CRBN: variants seen among roughly 807,000 people sequenced by gnomAD.
CRBN encodes the protein cereblon.
A neutral mutation model predicts 62.2 loss-of-function variants in CRBN; 53 were observed. The ratio of observed to expected loss-of-function variants is 0.85; its 90% CI spans 0.68 to 1.07. The LOEUF (loss-of-function observed/expected upper bound fraction) is 1.07, where lower values mean the gene tolerates loss of function less well. Among genes scored for constraint, CRBN ranks in the 50% least tolerant of loss-of-function variants. The pLI is 0.00. For synonymous variants in CRBN, 208 were observed against 176.1 expected (o/e 1.18, Z -1.43); for missense variants, 616 against 531.1 (o/e 1.16, Z -1.57).
chr3:3,161,621 T>C (rs1316204137), intron 5 of CRBN, among the ~76,000 whole-genome samples: 1 of 152,024 alleles, frequency 6.6e-6, no homozygotes, highest in Non-Finnish European at 1.5e-5. Context: ...ACTCCTCACC[T>C]TGTGATCCAC....
In CRBN at chr3:3,150,288, A is replaced by G. The variant is rs1706422934; in HGVS notation, c.*577T>C. The G allele has an allele frequency of 6.5e-6, 1 of 152,806 alleles. No homozygotes were observed. Among genetic ancestry groups the G allele is most frequent in the South Asian group, 2.1e-4 (1 of 4,872 alleles). The allele number at this position is 152,806 out of a possible 1,614,324, so 9.5% of individuals were successfully genotyped here. ...ACTATTCGTGGGCTCAAAAAACTGC[A>G]TATTTTAACTAATTTTCAAAATTTA... is the stretch of plus-strand genomic sequence containing the variant. On this transcript the variant is annotated 3_prime_UTR_variant, in exon 11 of 11. Transcript: ENST00000231948.
chr3:3,153,686 T>C (rs1706740859), intron 8 of CRBN, 198 bp from the exon 9 acceptor site: 1 of 617,884 alleles, frequency 1.6e-6, no homozygotes, highest in Non-Finnish European at 2.9e-6. Flanking sequence ...CATATTTACA[T>C]AAAACTAAAT....
intron 5 of CRBN, chr3:3,156,564 G>C: frequency 8.9e-6 from 4 of 450,854 alleles, no homozygotes; most frequent in South Asian, 4.8e-5. Flanking sequence ...TAAATGTTGA[G>C]AGTAAACACC....
chr3:3,156,566 G>A (rs1706901692), intron 5 of CRBN: 6 of 445,730 alleles, frequency 1.3e-5, no homozygotes, highest in South Asian at 1.2e-4. Context: ...AATGTTGAGA[G>A]TAAACACCAT....
At position 3,151,060 on chromosome 3, in the gene CRBN, A is replaced by G; in HGVS notation, c.1149-15T>C. 2 of 1,613,514 alleles carry G rather than the reference A, an allele frequency of 1.2e-6. No individual in the cohort carries two copies. Among genetic ancestry groups the G allele is most frequent in the South Asian group, 2.2e-5 (2 of 91,070 alleles). On this transcript the variant is annotated splice_polypyrimidine_tract_variant and intron_variant, in intron 10 of 10. Transcript: ENST00000231948. Reference sequence around the variant, plus strand: ...TCCAGGCATACCTAAGAAATTAAGGAAAGATATCAGCTAAGGAAACATTTC... The same window carrying G: ...TCCAGGCATACCTAAGAAATTAAGGGAAGATATCAGCTAAGGAAACATTTC...
intron 1 of CRBN, among the ~76,000 whole-genome samples, chr3:3,175,711 A>C (rs934752906): frequency 6.6e-6 from 1 of 151,982 alleles, no homozygotes; most frequent in African/African-American, 2.4e-5. Context: ...AGGTCCCCCT[A>C]CCCTCCTCTG....
At chr3:3,179,714 G>T (rs1209919763), upstream of CRBN, 2 of 1,608,550 alleles carry the variant, frequency 1.2e-6, no homozygotes, top group Non-Finnish European at 1.7e-6. Context: ...AGGAGGCTGG[G>T]ACAGGGCGGT....
At chr3:3,162,978 C>G (rs1325291279) in intron 5 of CRBN, among the ~76,000 whole-genome samples, 1 of 152,204 alleles carries the variant, frequency 6.6e-6, no homozygotes, top group East Asian at 1.9e-4. Context: ...GTGCAGCATG[C>G]CAAACCACTC....
chr3:3,178,259 T>G (rs1297874694), intron 1 of CRBN, among the ~76,000 whole-genome samples: 1 of 152,230 alleles, frequency 6.6e-6, no homozygotes. Flanking sequence ...TCAGCTAGAA[T>G]GGCTTCGAGA....
At chr3:3,152,362 T>G in intron 10 of CRBN, 94 bp downstream of exon 10, 2 of 1,331,628 alleles carry the variant, frequency 1.5e-6, no homozygotes, top group African/African-American at 1.5e-5. Context: ...CTTTTTATTA[T>G]AAAGATTGTG....
intron 5 of CRBN, among the ~76,000 whole-genome samples, chr3:3,161,554 A>C (rs1707139833): frequency 6.6e-6 from 1 of 152,108 alleles, no homozygotes; most frequent in African/African-American, 2.4e-5. Flanking sequence ...ATGCCCGGCT[A>C]ATTTTTGTAT....
chr3:3,173,924 C>G (rs114003299), intron 3 of CRBN, 135 bp downstream of exon 3: 1 of 776,638 alleles, frequency 1.3e-6, no homozygotes, highest in Non-Finnish European at 2.2e-6. Context: ...TTCTACTTAA[C>G]CAAATTCCTA....
intron 5 of CRBN, among the ~76,000 whole-genome samples, chr3:3,164,712 TG>T (rs1707261461): frequency 6.6e-6 from 1 of 152,250 alleles, no homozygotes; most frequent in Admixed American, 6.5e-5. Context: ...ACAATGTACA[TG>T]GTCACCCAGA....
At chr3:3,166,167 G>A (rs533637639) in intron 5 of CRBN, among the ~76,000 whole-genome samples, 244 of 91,230 alleles carry the variant, frequency 2.7e-3, no homozygotes, top group Non-Finnish European at 4.5e-3. Flanking sequence ...ATTCCCACAT[G>A]TCATGGGAGG....
At chr3:3,155,074 C>T in intron 6 of CRBN, 1 of 535,710 alleles carries the variant, frequency 1.9e-6, no homozygotes, top group Middle Eastern at 5.0e-4. Flanking sequence ...ATGCTCCCAA[C>T]TCCCTTGCAG....
chr3:3,162,802 C>G (rs571381485), intron 5 of CRBN, among the ~76,000 whole-genome samples: 1 of 152,268 alleles, frequency 6.6e-6, no homozygotes, highest in South Asian at 2.1e-4. Flanking sequence ...ACTACTCAGA[C>G]ACAGAGACAG....
chr3:3,162,175 TATC>T (rs776674177), intron 5 of CRBN, among the ~76,000 whole-genome samples: 1 of 152,224 alleles, frequency 6.6e-6, no homozygotes, highest in Non-Finnish European at 1.5e-5. Flanking sequence ...CCATTTGACT[TATC>T]TTTACATTTC....
At chr3:3,173,986 T>C in intron 3 of CRBN, 73 bp downstream of exon 3, 5 of 1,274,350 alleles carry the variant, frequency 3.9e-6, no homozygotes, top group Non-Finnish European at 5.7e-6. Context: ...ACAGCCTGCT[T>C]TGGCTTCAAC....
chr3:3,153,641 T>C (rs17027577), intron 8 of CRBN, 153 bp from the exon 9 acceptor site: 12,654 of 658,410 alleles, frequency 0.019, 362 homozygotes, highest in African/African-American at 0.11. Flanking sequence ...CTTTTAAAGA[T>C]GGAGCACGAA....
Sources: gnomAD v4.1 joint callset for allele counts (sites outside exome capture counted in the v4.1 genomes callset) on GRCh38, gnomAD v4.1.1 for gene constraint, MANE v1.5 for transcripts, NCBI Gene and HGNC (gene_info 2026-07-23, HGNC 2026-07-21) for gene names.